BBS9: variants seen among roughly 807,000 people sequenced by gnomAD.
The protein encoded by BBS9 is Bardet-Biedl syndrome 9.
A neutral mutation model predicts 117.7 loss-of-function variants in BBS9; 89 were observed. The observed-to-expected ratio is 0.76, with a 90% confidence interval of 0.64 to 0.90. BBS9 has a LOEUF of 0.90. Ranked by LOEUF, BBS9 falls within the 40% of genes least tolerant of loss-of-function variation. The pLI, the probability that BBS9 is intolerant of heterozygous loss-of-function variation, is 0.00. For synonymous variants in BBS9, 379 were observed against 370.9 expected, an observed-to-expected ratio of 1.02 and a Z score of -0.25; for missense variants, 982 against 1,042.2, an observed-to-expected ratio of 0.94 and a Z score of 0.80.
chr7:33,362,840 A>G (rs1245720684), intron 16 of BBS9, among the ~76,000 whole-genome samples: 1 of 152,142 alleles, frequency 6.6e-6, no homozygotes, highest in Non-Finnish European at 1.5e-5. Context: ...TTGATTCCAT[A>G]TATCAATTTG....
chr7:33,568,779 C>T (rs146559501), intron 21 of BBS9, among the ~76,000 whole-genome samples: 22 of 152,098 alleles, frequency 1.4e-4, no homozygotes, highest in African/African-American at 3.6e-4. Context: ...TGCTTCCCTT[C>T]GGGTAAGAAG....
intron 19 of BBS9, among the ~76,000 whole-genome samples, chr7:33,419,196 A>G (rs1832490055): frequency 6.6e-6 from 1 of 152,142 alleles, no homozygotes; most frequent in Non-Finnish European, 1.5e-5. Flanking sequence ...CATCACACAC[A>G]TTATTTCAGG....
chr7:33,540,100 A>G (rs79783882), intron 21 of BBS9, among the ~76,000 whole-genome samples: 1,626 of 152,302 alleles, frequency 0.011, 13 homozygotes, highest in Middle Eastern at 0.027. Context: ...CTTCCCCTCA[A>G]TTATATATGT....
chr7:33,619,928 T>G (rs552663846), intron 21 of BBS9, among the ~76,000 whole-genome samples: 1 of 152,114 alleles, frequency 6.6e-6, no homozygotes, highest in East Asian at 1.9e-4. Flanking sequence ...TAACCTAGTG[T>G]TACACCTCAA....
exon 22 of BBS9, among the ~76,000 whole-genome samples, chr7:33,635,505 G>A (rs1003887119): frequency 6.6e-6 from 1 of 152,278 alleles, no homozygotes; most frequent in African/African-American, 2.4e-5. Flanking sequence ...ATGCAGCTGC[G>A]GCTCTTCCAG....
At chr7:33,507,770 G>A (rs1478663494) in intron 20 of BBS9, among the ~76,000 whole-genome samples, 1 of 152,152 alleles carries the variant, frequency 6.6e-6, no homozygotes, top group Non-Finnish European at 1.5e-5. Flanking sequence ...GCGGGTCAGG[G>A]CCAGCTACAT....
intron 19 of BBS9, among the ~76,000 whole-genome samples, chr7:33,450,488 C>A (rs56842869): frequency 0.013 from 1,996 of 152,290 alleles, 45 homozygotes; most frequent in African/African-American, 0.046. Flanking sequence ...TACATTCTTA[C>A]CAACAGTGCA....
chr7:33,607,087 G>T (rs2129211341), downstream of BBS9, among the ~76,000 whole-genome samples: 2 of 152,184 alleles, frequency 1.3e-5, 1 homozygote, highest in South Asian at 4.1e-4. Flanking sequence ...TATTTCAGAA[G>T]TCATGTTTTC....
At chr7:33,190,110 A>G (rs902232171) in intron 5 of BBS9, among the ~76,000 whole-genome samples, 2 of 141,500 alleles carry the variant, frequency 1.4e-5, no homozygotes, top group Non-Finnish European at 3.0e-5. Flanking sequence ...GCTTTGTTTT[A>G]CATGGGGATT....
At chr7:33,507,675 G>T (rs1468440177) in intron 20 of BBS9, among the ~76,000 whole-genome samples, 4 of 152,188 alleles carry the variant, frequency 2.6e-5, no homozygotes, top group Admixed American at 1.3e-4. Flanking sequence ...TATTTGTCGG[G>T]TAGATGAATG....
At chr7:33,342,823 T>C (rs1313295214) in intron 11 of BBS9, among the ~76,000 whole-genome samples, 5 of 152,200 alleles carry the variant, frequency 3.3e-5, no homozygotes, top group African/African-American at 1.2e-4. Context: ...ACAGGAGATG[T>C]TGGTTTCTCT....
intron 9 of BBS9, among the ~76,000 whole-genome samples, chr7:33,304,079 T>G (rs1478156887): frequency 2.4e-5 from 3 of 123,070 alleles, no homozygotes; most frequent in African/African-American, 9.5e-5. Flanking sequence ...TCTGCCTGGC[T>G]GCCCATCATC....
chr7:33,336,307 G>C, intron 9 of BBS9, 134 bp from the exon 10 acceptor site: 1 of 675,714 alleles, frequency 1.5e-6, no homozygotes, highest in Non-Finnish European at 2.5e-6. Context: ...AGTCTTTGAA[G>C]TAAAACTTTA....
chr7:33,424,132 T>A (rs866069388), intron 19 of BBS9, among the ~76,000 whole-genome samples: 2 of 152,294 alleles, frequency 1.3e-5, no homozygotes, highest in Middle Eastern at 3.4e-3. Flanking sequence ...CTATGTGTAT[T>A]GTATATTTAA....
intron 21 of BBS9, among the ~76,000 whole-genome samples, chr7:33,580,368 T>C (rs993076136): frequency 2.0e-5 from 3 of 151,798 alleles, no homozygotes; most frequent in East Asian, 1.9e-4. Context: ...ATGGGAGAAA[T>C]TGACTTTTTA....
At chr7:33,205,388 A>T (rs922769363) in intron 5 of BBS9, among the ~76,000 whole-genome samples, 1 of 152,182 alleles carries the variant, frequency 6.6e-6, no homozygotes, top group Non-Finnish European at 1.5e-5. Flanking sequence ...ATCCCAACCC[A>T]TTAGCTATTG....
At chr7:33,318,196 A>AT (rs1810942304) in intron 9 of BBS9, among the ~76,000 whole-genome samples, 1 of 152,218 alleles carries the variant, frequency 6.6e-6, no homozygotes, top group Admixed American at 6.5e-5. Context: ...AGCCTGAATA[A>AT]TTTAACCTTT....
intron 19 of BBS9, among the ~76,000 whole-genome samples, chr7:33,413,019 C>T (rs1292531014): frequency 6.6e-6 from 1 of 152,170 alleles, no homozygotes; most frequent in Non-Finnish European, 1.5e-5. Flanking sequence ...CAATTGGATA[C>T]TCACGACCTA....
At chr7:33,168,523 C>G (rs1400616001) in intron 4 of BBS9, among the ~76,000 whole-genome samples, 2 of 151,916 alleles carry the variant, frequency 1.3e-5, no homozygotes, top group Non-Finnish European at 2.9e-5. Flanking sequence ...AATTTTTGTT[C>G]AAAAGAGAAA....
Sources: gnomAD v4.1 joint callset for allele counts (sites outside exome capture counted in the v4.1 genomes callset) on GRCh38, gnomAD v4.1.1 for gene constraint, MANE v1.5 for transcripts, NCBI Gene and HGNC (gene_info 2026-07-23, HGNC 2026-07-21) for gene names.